The following RBFOX1 variants were observed in gnomAD, a reference collection of about 807,000 sequenced individuals.
The protein encoded by RBFOX1 is RNA binding fox-1 homolog 1.
RBFOX1 carries 8 observed loss-of-function variants against 57.7 expected under a neutral mutation model. The observed-to-expected ratio is 0.14, with a 90% confidence interval of 0.08 to 0.25. The LOEUF (loss-of-function observed/expected upper bound fraction) is 0.25. Among genes scored for constraint, RBFOX1 ranks in the 10% least tolerant of loss-of-function variants. The pLI, the probability that RBFOX1 is intolerant of heterozygous loss-of-function variation, is 1.00. For synonymous variants in RBFOX1, 326 were observed against 222.4 expected (o/e 1.47, Z -4.15); for missense variants, 611 against 548.5 (o/e 1.11, Z -1.14).
intron 4 of RBFOX1, among the ~76,000 whole-genome samples, chr16:7,432,001 C>G (rs1236699865): frequency 6.6e-6 from 1 of 152,230 alleles, no homozygotes; most frequent in East Asian, 1.9e-4. Context: ...GCCTGTGGCA[C>G]CTAGAAGGTC....
At chr16:5,849,257 G>A (rs1337954489) in intron 3 of RBFOX1, among the ~76,000 whole-genome samples, 3 of 152,098 alleles carry the variant, frequency 2.0e-5, no homozygotes, top group African/African-American at 4.8e-5. Flanking sequence ...CTTTAAGGAC[G>A]ATGGAGTGCC....
At chr16:6,614,230 T>C (rs1010737807) in intron 2 of RBFOX1, among the ~76,000 whole-genome samples, 5 of 152,224 alleles carry the variant, frequency 3.3e-5, no homozygotes, top group African/African-American at 1.2e-4. Context: ...TACTGCCTGC[T>C]GCAAGTAAGG....
Position 5,423,788 on chromosome 16 carries a change from C to T in RBFOX1, c.220-43428C>T, listed in dbSNP as rs368953417. Among the ~76,000 whole-genome samples the T allele has an allele frequency of 9.2e-5, 14 of 152,240 alleles. No individual in the cohort carries two copies. In the South Asian group the frequency reaches 2.3e-3, roughly 25 times the overall value. ...TTTATAAATCATCCTCTCCCTGTTT[C>T]GTGTTGCATCCAACCTGATTTTGGC... is the stretch of plus-strand genomic sequence containing the variant. On this transcript the variant is annotated intron_variant, in intron 1 of 2. Transcript: ENST00000585867.
chr16:6,856,942 C>A (rs142561680), intron 3 of RBFOX1, among the ~76,000 whole-genome samples: 12 of 152,060 alleles, frequency 7.9e-5, no homozygotes, highest in African/African-American at 1.2e-4. Context: ...AGAAAACGAA[C>A]GGAGGGACAT....
intron 12 of RBFOX1, among the ~76,000 whole-genome samples, chr16:7,662,967 G>A (rs565580725): frequency 9.8e-5 from 15 of 152,342 alleles, no homozygotes; most frequent in African/African-American, 3.4e-4. Flanking sequence ...CTTGGCTCTT[G>A]AATGGTCATG....
intron 4 of RBFOX1, among the ~76,000 whole-genome samples, chr16:7,486,125 T>G (rs1353454955): frequency 2.1e-5 from 3 of 140,522 alleles, no homozygotes; most frequent in African/African-American, 7.9e-5. Context: ...GTCTTTTTTT[T>G]TTTTTTTTTT....
intron 3 of RBFOX1, among the ~76,000 whole-genome samples, chr16:5,608,894 T>G (rs1441947663): frequency 1.3e-5 from 2 of 152,210 alleles, no homozygotes; most frequent in Non-Finnish European, 2.9e-5. Flanking sequence ...TTAGTGCCCC[T>G]AATAAGAAAT....
chr16:6,187,977 C>T lies in RBFOX1; in HGVS notation c.-126-129018C>T, dbSNP rs571692624. The stretch of plus-strand genomic sequence containing the variant: ...TTAATCTCAACTATTCTTATTTTGC[C>T]ATGAAATTATTTAACACACATGTGC... On this transcript the variant is annotated intron_variant, in intron 1 of 15. Coordinates refer to ENST00000550418, the MANE Select transcript of RBFOX1 (RefSeq NM_018723.4). Among the ~76,000 whole-genome samples, 87 of 152,258 alleles carry T rather than the reference C, an allele frequency of 5.7e-4. 1 individual carries two copies. Among genetic ancestry groups the T allele is most frequent in the African/African-American group, 1.9e-3 (79 of 41,558 alleles).
intron 3 of RBFOX1, among the ~76,000 whole-genome samples, chr16:6,876,973 A>G (rs2061962112): frequency 6.6e-6 from 1 of 152,190 alleles, no homozygotes; most frequent in Non-Finnish European, 1.5e-5. Flanking sequence ...TTGTAGAATA[A>G]TGAATATAGT....
At chr16:5,486,111 C>T (rs2069723476) in intron 2 of RBFOX1, among the ~76,000 whole-genome samples, 5 of 152,142 alleles carry the variant, frequency 3.3e-5, no homozygotes, top group Admixed American at 3.3e-4. Flanking sequence ...TGCTTTATTC[C>T]AGTCATTCCT....
intron 2 of RBFOX1, among the ~76,000 whole-genome samples, chr16:5,544,266 A>G (rs181058978): frequency 6.6e-6 from 1 of 152,312 alleles, no homozygotes; most frequent in East Asian, 1.9e-4. Context: ...GGAAATTGGC[A>G]ACAGAAGGAA....
At chr16:6,808,453 C>G (rs2087516720) in intron 3 of RBFOX1, among the ~76,000 whole-genome samples, 2 of 152,054 alleles carry the variant, frequency 1.3e-5, no homozygotes, top group South Asian at 4.1e-4. Context: ...TCCCAAGGAT[C>G]TCACCCCTTG....
intron 4 of RBFOX1, among the ~76,000 whole-genome samples, chr16:7,385,646 C>G (rs1034998286): frequency 1.3e-5 from 2 of 152,096 alleles, no homozygotes; most frequent in African/African-American, 2.4e-5. Flanking sequence ...TTTTCAAAAC[C>G]TGTACCTGGT....
At chr16:7,686,909 T>C (rs1236670164) in intron 14 of RBFOX1, among the ~76,000 whole-genome samples, 2 of 152,098 alleles carry the variant, frequency 1.3e-5, no homozygotes, top group African/African-American at 2.4e-5. Flanking sequence ...AACTTGGGTT[T>C]GAATTTCCAA....
At chr16:6,765,984 G>C (rs1456032279) in intron 3 of RBFOX1, among the ~76,000 whole-genome samples, 3 of 151,988 alleles carry the variant, frequency 2.0e-5, no homozygotes, top group Non-Finnish European at 4.4e-5. Flanking sequence ...AAGATGGGAG[G>C]GTAGAAGGGG....
At chr16:5,494,550 G>A (rs1381101263) in intron 2 of RBFOX1, among the ~76,000 whole-genome samples, 1 of 152,198 alleles carries the variant, frequency 6.6e-6, no homozygotes, top group South Asian at 2.1e-4. Flanking sequence ...GGGAGGTCTT[G>A]GAGCAAGAGG....
At chr16:6,399,388 C>T (rs11643342) in intron 2 of RBFOX1, among the ~76,000 whole-genome samples, 1 of 152,084 alleles carries the variant, frequency 6.6e-6, no homozygotes, top group East Asian at 1.9e-4. Flanking sequence ...GAAATCATGT[C>T]TCTCAAGGTC....
intron 3 of RBFOX1, among the ~76,000 whole-genome samples, chr16:7,033,759 T>C (rs939104353): frequency 1.3e-5 from 2 of 152,050 alleles, no homozygotes; most frequent in Admixed American, 1.3e-4. Context: ...TTTGGGAGCG[T>C]GAGCTGGGGA....
rs190413144 is a variant in RBFOX1, at chr16:5,978,241, G to C, written c.351+110906G>C. The stretch of plus-strand genomic sequence containing the variant: ...AGGTGGGAGGATCACTTGCACCCTG[G>C]AATTGGAGGCTGCAGTGAGCTATGA... On this transcript the variant is annotated intron_variant, in intron 4 of 19. Coordinates refer to the RBFOX1 transcript ENST00000641259. 9.9e-4 allele frequency among the ~76,000 whole-genome samples: 148 copies of C among 149,004 alleles called. 1 individual carries two copies. Among genetic ancestry groups the C allele is most frequent in the Non-Finnish European group, 1.8e-3 (119 of 67,514 alleles).
Sources: gnomAD v4.1 joint callset for allele counts (sites outside exome capture counted in the v4.1 genomes callset) on GRCh38, gnomAD v4.1.1 for gene constraint, MANE v1.5 for transcripts, NCBI Gene and HGNC (gene_info 2026-07-23, HGNC 2026-07-21) for gene names.